MPPED2: variants seen among roughly 807,000 people sequenced by gnomAD.
MPPED2 encodes metallophosphoesterase domain containing 2, also known as metallophosphoesterase MPPED2.
MPPED2 carries 5 observed loss-of-function variants against 33.0 expected under a neutral mutation model. The ratio of observed to expected loss-of-function variants is 0.15; its 90% CI spans 0.08 to 0.32. The LOEUF (loss-of-function observed/expected upper bound fraction) is 0.32. Among genes scored for constraint, MPPED2 ranks in the 10% least tolerant of loss-of-function variants. The probability of loss-of-function intolerance (pLI) is 1.00; values close to 1 mark genes in which losing one functional copy is unlikely to be tolerated. For missense variants in MPPED2, 275 were observed against 372.1 expected (o/e 0.74, Z 2.15); for synonymous variants, 136 against 141.9 (o/e 0.96, Z 0.29).
intron 4 of MPPED2, among the ~76,000 whole-genome samples, chr11:30,456,549 T>C (rs1950286261): frequency 6.6e-6 from 1 of 152,178 alleles, no homozygotes; most frequent in East Asian, 1.9e-4. Context: ...CCTGTGTGTG[T>C]GCGTGTGTGT....
chr11:30,517,509 A>G (rs1199244509), intron 3 of MPPED2, among the ~76,000 whole-genome samples: 2 of 152,342 alleles, frequency 1.3e-5, no homozygotes, highest in Non-Finnish European at 2.9e-5. Context: ...AGAACACTAT[A>G]TACTATATAT....
intron 4 of MPPED2, among the ~76,000 whole-genome samples, chr11:30,443,638 T>C (rs894152534): frequency 6.6e-5 from 10 of 152,150 alleles, no homozygotes; most frequent in Admixed American, 5.9e-4. Context: ...TGGGTTCAAA[T>C]CATGGCTCTG....
chr11:30,503,357 A>G (rs1443039053), intron 3 of MPPED2, among the ~76,000 whole-genome samples: 2 of 152,148 alleles, frequency 1.3e-5, no homozygotes. Context: ...ATCTTTAGTA[A>G]CAGCATGAGA....
In MPPED2 at chr11:30,564,348, C is replaced by T. The variant is rs138780182; in HGVS notation, c.128+15898G>A. The stretch of plus-strand genomic sequence containing the variant: ...GAAGGTCTTCTACCTCTGATCATGA[C>T]GATAACACCAAATGAAACACTTCTA... On this transcript the variant is annotated intron_variant, in intron 2 of 6. Transcript: ENST00000358117. 9.9e-5 allele frequency among the ~76,000 whole-genome samples: 15 copies of T among 152,272 alleles called. 1 individual carries two copies. The highest frequency in any genetic ancestry group is 6.5e-4 in the Admixed American group (10 of 15,270).
intron 4 of MPPED2, among the ~76,000 whole-genome samples, chr11:30,452,523 C>T (rs1032209001): frequency 1.3e-5 from 2 of 152,218 alleles, no homozygotes; most frequent in African/African-American, 4.8e-5. Context: ...GCATCAAAAT[C>T]ACTGCAGTGT....
chr11:30,492,218 C>T (rs1353297833), intron 4 of MPPED2, among the ~76,000 whole-genome samples: 1 of 152,194 alleles, frequency 6.6e-6, no homozygotes, highest in Admixed American at 6.5e-5. Flanking sequence ...TGTTCGATTG[C>T]TTGAGATGCT....
At chr11:30,530,627 A>G (rs1427567916) in intron 3 of MPPED2, among the ~76,000 whole-genome samples, 1 of 152,204 alleles carries the variant, frequency 6.6e-6, no homozygotes. Flanking sequence ...GACATGTTGC[A>G]TTTGAAAAAT....
At chr11:30,394,424 T>A (rs903064952) in intron 6 of MPPED2, among the ~76,000 whole-genome samples, 1 of 152,208 alleles carries the variant, frequency 6.6e-6, no homozygotes, top group African/African-American at 2.4e-5. Flanking sequence ...TGCATCCTTG[T>A]CAGCACTTGA....
At chr11:30,417,424 T>C in intron 5 of MPPED2, 94 bp downstream of exon 5, 1 of 616,440 alleles carries the variant, frequency 1.6e-6, no homozygotes, top group East Asian at 2.9e-5. Context: ...TTTTTTTTTT[T>C]TTGGAGGAAA....
At chr11:30,399,161 A>G (rs1947876523) in intron 6 of MPPED2, among the ~76,000 whole-genome samples, 1 of 81,572 alleles carries the variant, frequency 1.2e-5, no homozygotes, top group African/African-American at 3.6e-5. Context: ...AAGATCCAAT[A>G]CTTTTTTTTT....
At chr11:30,574,577 C>T (rs924320257) in intron 2 of MPPED2, among the ~76,000 whole-genome samples, 2 of 152,192 alleles carry the variant, frequency 1.3e-5, no homozygotes, top group African/African-American at 4.8e-5. Context: ...CATCTTCCCA[C>T]ACTTGAGCAA....
intron 3 of MPPED2, among the ~76,000 whole-genome samples, chr11:30,523,515 A>G (rs1413353091): frequency 1.3e-5 from 2 of 151,900 alleles, no homozygotes; most frequent in Non-Finnish European, 2.9e-5. Context: ...TTTACATGAC[A>G]TTTGACATCT....
At chr11:30,448,575 A>G (rs1949914783) in intron 4 of MPPED2, among the ~76,000 whole-genome samples, 1 of 152,204 alleles carries the variant, frequency 6.6e-6, no homozygotes, top group Admixed American at 6.5e-5. Flanking sequence ...ACCTACAAGG[A>G]AATGGGCTTT....
intron 4 of MPPED2, among the ~76,000 whole-genome samples, chr11:30,470,726 A>C (rs1250169732): frequency 2.6e-5 from 4 of 152,094 alleles, no homozygotes; most frequent in Non-Finnish European, 5.9e-5. Flanking sequence ...CACTCTTCCC[A>C]GCTAAGGGCC....
intron 2 of MPPED2, among the ~76,000 whole-genome samples, chr11:30,570,835 C>CA (rs1248564830): frequency 6.6e-6 from 1 of 152,108 alleles, no homozygotes; most frequent in Non-Finnish European, 1.5e-5. Flanking sequence ...CCAAATACCA[C>CA]AAGTAAGCCA....
At chr11:30,405,470 A>G (rs370395163), downstream of MPPED2, among the ~76,000 whole-genome samples, 185 of 152,228 alleles carry the variant, frequency 1.2e-3, 1 homozygote, top group African/African-American at 4.2e-3. Flanking sequence ...ATGGAAATGC[A>G]TTTCTCTCTC....
intron 4 of MPPED2, among the ~76,000 whole-genome samples, chr11:30,466,524 C>T (rs1038214123): frequency 4.6e-5 from 7 of 152,142 alleles, no homozygotes; most frequent in African/African-American, 9.7e-5. Context: ...CTTCAGGGAT[C>T]GCTGGACCCT....
intron 4 of MPPED2, among the ~76,000 whole-genome samples, chr11:30,483,598 T>C (rs925725378): frequency 6.6e-6 from 1 of 152,198 alleles, no homozygotes; most frequent in African/African-American, 2.4e-5. Flanking sequence ...TTTATTTTGT[T>C]CTTCAAAGAT....
At chr11:30,581,850 C>T (rs1314807745) in intron 1 of MPPED2, among the ~76,000 whole-genome samples, 1 of 152,200 alleles carries the variant, frequency 6.6e-6, no homozygotes, top group Admixed American at 6.5e-5. Context: ...GTCAAGTGCA[C>T]TGCCAAGAGA....
Sources: gnomAD v4.1 joint callset for allele counts (sites outside exome capture counted in the v4.1 genomes callset) on GRCh38, gnomAD v4.1.1 for gene constraint, MANE v1.5 for transcripts, NCBI Gene and HGNC (gene_info 2026-07-23, HGNC 2026-07-21) for gene names.